Variants in NELL2 observed in about 807,000 individuals in gnomAD.
NELL2 encodes protein kinase C-binding protein NELL2.
A neutral mutation model predicts 109.6 loss-of-function variants in NELL2; 41 were observed. The ratio of observed to expected loss-of-function variants is 0.37; its 90% CI spans 0.29 to 0.49. NELL2 has a LOEUF of 0.49. Among genes scored for constraint, NELL2 ranks in the 20% least tolerant of loss-of-function variants. NELL2 has a pLI of 0.98. For missense variants in NELL2, 900 were observed against 1,008.3 expected (o/e 0.89, Z 1.45); for synonymous variants, 355 against 344.7 (o/e 1.03, Z -0.33).
chr12:44,917,919 C>A (rs1179281404), upstream of NELL2, among the ~76,000 whole-genome samples: 1 of 152,232 alleles, frequency 6.6e-6, no homozygotes, highest in Non-Finnish European at 1.5e-5. Context: ...CGCCATATAG[C>A]TTCAAAGAAA....
intron 13 of NELL2, among the ~76,000 whole-genome samples, chr12:44,650,598 C>T (rs560109901): frequency 6.6e-6 from 1 of 152,008 alleles, no homozygotes; most frequent in African/African-American, 2.4e-5. Flanking sequence ...CCTGGCCCCA[C>T]CCCCTCTCTA....
chr12:44,837,280 A>C (rs1042767282), intron 2 of NELL2, among the ~76,000 whole-genome samples: 5 of 152,180 alleles, frequency 3.3e-5, no homozygotes, highest in Non-Finnish European at 7.3e-5. Flanking sequence ...GGACCACATT[A>C]TTCTTTGTTG....
intron 12 of NELL2, among the ~76,000 whole-genome samples, chr12:44,684,003 T>A (rs565277419): frequency 2.1e-4 from 32 of 152,332 alleles, no homozygotes; most frequent in African/African-American, 7.5e-4. Flanking sequence ...TGGTACCAGT[T>A]CCTCCTTGTA....
At chr12:44,520,634 T>C (rs898033589) in intron 18 of NELL2, among the ~76,000 whole-genome samples, 1 of 152,184 alleles carries the variant, frequency 6.6e-6, no homozygotes, top group Non-Finnish European at 1.5e-5. Flanking sequence ...CCTTTATGCA[T>C]AAAGAATGTT....
chr12:44,761,291 C>T (rs959661115), intron 9 of NELL2, among the ~76,000 whole-genome samples: 2 of 152,162 alleles, frequency 1.3e-5, no homozygotes, highest in African/African-American at 2.4e-5. Context: ...TTGCTTGAAC[C>T]CGGGAGGCGG....
intron 12 of NELL2, among the ~76,000 whole-genome samples, chr12:44,672,318 G>A (rs1948168091): frequency 6.6e-6 from 1 of 152,160 alleles, no homozygotes; most frequent in Admixed American, 6.5e-5. Flanking sequence ...AGCAGAGGTG[G>A]CATTAGATTC....
intron 9 of NELL2, among the ~76,000 whole-genome samples, chr12:44,720,432 C>T (rs1938705737): frequency 6.6e-6 from 1 of 152,114 alleles, no homozygotes; most frequent in Admixed American, 6.6e-5. Context: ...GATTCTATAG[C>T]CTGTGTCTTA....
chr12:44,590,014 C>T (rs553604720), intron 15 of NELL2, among the ~76,000 whole-genome samples: 16 of 152,276 alleles, frequency 1.1e-4, no homozygotes, highest in African/African-American at 3.9e-4. Context: ...CTACCCAACT[C>T]CTAACTTACA....
At chr12:44,792,292 A>G (rs1313984138) in intron 3 of NELL2, among the ~76,000 whole-genome samples, 1 of 152,130 alleles carries the variant, frequency 6.6e-6, no homozygotes, top group Non-Finnish European at 1.5e-5. Context: ...CAGACAATAA[A>G]TGGAGACACT....
intron 9 of NELL2, among the ~76,000 whole-genome samples, chr12:44,761,894 G>C (rs1941141429): frequency 6.6e-6 from 1 of 152,102 alleles, no homozygotes. Flanking sequence ...AGAGTAGAAG[G>C]GGCGTGAGGG....
intron 3 of NELL2, among the ~76,000 whole-genome samples, chr12:44,783,986 G>A (rs1942066195): frequency 6.6e-6 from 1 of 152,042 alleles, no homozygotes; most frequent in South Asian, 2.1e-4. Flanking sequence ...AATCAAGTGG[G>A]GTTTATTCCA....
chr12:44,544,116 T>C (rs1181349016), intron 15 of NELL2, among the ~76,000 whole-genome samples: 1 of 152,058 alleles, frequency 6.6e-6, no homozygotes, highest in Admixed American at 6.6e-5. Context: ...AAAACCATTG[T>C]AGTTGATACG....
chr12:44,652,414 G>T (rs563879180), intron 13 of NELL2, among the ~76,000 whole-genome samples: 1 of 152,132 alleles, frequency 6.6e-6, no homozygotes, highest in African/African-American at 2.4e-5. Context: ...CAATGAAAAT[G>T]TTCTAAAAAT....
At chr12:44,513,250 A>T (rs901993263) in intron 19 of NELL2, among the ~76,000 whole-genome samples, 16 of 152,126 alleles carry the variant, frequency 1.1e-4, no homozygotes, top group African/African-American at 3.1e-4. Context: ...TGTAAAGCCA[A>T]CCTCTAATAA....
chr12:44,902,023 T>C (rs2136882045), intron 1 of NELL2, among the ~76,000 whole-genome samples: 1 of 152,272 alleles, frequency 6.6e-6, no homozygotes, highest in African/African-American at 2.4e-5. Context: ...ATCACTCCTA[T>C]TCAACATAGT....
intron 1 of NELL2, among the ~76,000 whole-genome samples, chr12:44,902,260 G>C (rs1945669285): frequency 6.6e-6 from 1 of 152,030 alleles, no homozygotes; most frequent in Non-Finnish European, 1.5e-5. Flanking sequence ...ACCAATAGTA[G>C]ACAAATAGAG....
chr12:44,509,670 A>G (rs1292528196), intron 19 of NELL2, among the ~76,000 whole-genome samples: 1 of 152,196 alleles, frequency 6.6e-6, no homozygotes, highest in Non-Finnish European at 1.5e-5. Flanking sequence ...GGATCTTGGA[A>G]TGTGAGAAAT....
chr12:44,767,204 C>T (rs888603229), intron 9 of NELL2, among the ~76,000 whole-genome samples: 5 of 152,130 alleles, frequency 3.3e-5, no homozygotes, highest in Admixed American at 1.3e-4. Flanking sequence ...TATATGAGTG[C>T]ACCAGACAAC....
intron 2 of NELL2, among the ~76,000 whole-genome samples, chr12:44,862,988 G>T (rs1944885513): frequency 6.6e-6 from 1 of 152,152 alleles, no homozygotes; most frequent in Admixed American, 6.5e-5. Flanking sequence ...TCCATGTGCA[G>T]AACATACAGG....
Sources: allele counts gnomAD v4.1 joint callset (sites outside exome capture counted in the v4.1 genomes callset), GRCh38; gene constraint gnomAD v4.1.1; transcripts MANE v1.5; gene names NCBI Gene and HGNC (gene_info 2026-07-23, HGNC 2026-07-21).